HNRNPA1: variants seen among roughly 807,000 people sequenced by gnomAD.
The protein encoded by HNRNPA1 is heterogeneous nuclear ribonucleoprotein A1, also known as epididymis secretory sperm binding protein.
HNRNPA1 carries 7 observed loss-of-function variants against 44.4 expected under a neutral mutation model. The observed-to-expected ratio is 0.16, with a 90% CI of 0.09 to 0.30. HNRNPA1 has a LOEUF of 0.30. Among genes scored for constraint, HNRNPA1 ranks in the 10% least tolerant of loss-of-function variants. The pLI is 1.00. For missense variants in HNRNPA1, 193 were observed against 465.8 expected (o/e 0.41, Z 5.39); for synonymous variants, 169 against 160.6 (o/e 1.05, Z -0.40).
chr12:54,281,182 G>T, intron 1 of HNRNPA1: 1 of 697,758 alleles, frequency 1.4e-6, no homozygotes, highest in South Asian at 1.5e-5. Context: ...GTCGGAAGGC[G>T]ACTAGGGACG....
Position 54,286,984 on chromosome 12 carries a change from A to G in HNRNPA1, c.*2440A>G, listed in dbSNP as rs1207356570. 1 of 152,076 alleles carries G rather than the reference A, an allele frequency of 6.6e-6. No individual in the cohort carries two copies. Among genetic ancestry groups the G allele is most frequent in the East Asian group, 1.9e-4 (1 of 5,192 alleles). 9.4% of individuals were successfully genotyped at this position (152,076 alleles called of 1,614,324 possible). A position where few individuals can be genotyped will look rare whatever the true frequency, so the allele number is the denominator to read the frequency against. The stretch of plus-strand genomic sequence containing the variant: ...CCTTGTGAAGACCTTTATCTGAGCC[A>G]CTGTACTTCGTTATCACTGCCATGC... On this transcript the variant is annotated 3_prime_UTR_variant, in exon 11 of 11. Transcript: ENST00000340913.
At position 54,283,201 on chromosome 12, in the gene HNRNPA1, A is replaced by G. The variant is rs765021775; in HGVS notation, c.874A>G (p.Asn292Asp). ...GGSGSYDSYN[N>D]GGGGGFGGGS... is the part of the protein sequence containing the mutation. ...GAGTGGCAGCTATGACAGCTATAAC[A>G]ACGGAGGCGGAGGCGGCTTTGGCGG... is the stretch of plus-strand genomic sequence containing the variant. Residue 292 changes from asparagine to aspartate, a missense_variant, in exon 8 of 11, where the codon AAC (asparagine) becomes GAC (aspartate). Around this residue, in one of 2 missense-constraint regions of HNRNPA1, gnomAD observed 136 missense variants for 234.4 expected, o/e 0.58. Coordinates refer to ENST00000340913, the MANE Select transcript of HNRNPA1 (RefSeq NM_031157.4). The G allele has an allele frequency of 1.6e-5, 26 of 1,610,876 alleles. No homozygotes were observed. The highest frequency in any genetic ancestry group is 2.0e-5 in the Non-Finnish European group (24 of 1,178,654).
At chr12:54,284,344 A>G (rs1449345614) in intron 10 of HNRNPA1, 27 bp downstream of exon 10, 2 of 1,603,108 alleles carry the variant, frequency 1.2e-6, no homozygotes, top group East Asian at 2.2e-5. Flanking sequence ...TTGTGTGTTG[A>G]CATAATTTTT....
At chr12:54,281,006 G>A (rs759986873) in intron 1 of HNRNPA1, 184 bp downstream of exon 1, 11 of 727,878 alleles carry the variant, frequency 1.5e-5, no homozygotes, top group South Asian at 1.5e-4. Context: ...GCCGCTCTCC[G>A]CCAACCATGA....
At chr12:54,281,632 C>T in intron 2 of HNRNPA1, 130 bp downstream of exon 2, 1 of 1,012,372 alleles carries the variant, frequency 9.9e-7, no homozygotes, top group Non-Finnish European at 1.5e-6. Flanking sequence ...AAGGAACGTC[C>T]TGCTTTGATT....
In HNRNPA1 at chr12:54,285,779, T is replaced by G. The variant is rs949533383; in HGVS notation, c.*1235T>G. On this transcript the variant is annotated 3_prime_UTR_variant, in exon 11 of 11. Transcript: ENST00000340913. ...ACCTTTGGTGCTCTCTCAATTTCAG[T>G]GCTATTGTACCTAGTAGCATAGAGA... 2 of 151,838 alleles carry G rather than the reference T, an allele frequency of 1.3e-5. No individual in the cohort carries two copies. The highest frequency in any genetic ancestry group is 2.9e-5 in the Non-Finnish European group (2 of 67,986). The allele number at this position is 151,838 out of a possible 1,614,324, so 9.4% of individuals were successfully genotyped here.
Position 54,282,505 on chromosome 12 carries a change from T to A in HNRNPA1, c.583+19T>A. On this transcript the variant is annotated intron_variant, in intron 5 of 10. Transcript: ENST00000340913. ...CAAAGAGGTATGCTTGTTGCTTAAT[T>A]AAACCTTAAAGGTAACTTTGAGTTA... 6.2e-7 allele frequency: 1 copy of A among 1,611,816 alleles called. No individual in the cohort carries two copies. Among genetic ancestry groups the A allele is most frequent in the South Asian group, 1.1e-5 (1 of 91,008 alleles).
Position 54,280,764 on chromosome 12 carries a change from G to A in HNRNPA1, c.-44G>A. ...AGCTTGCTCCTTTCTGCCCGTGGACGCCGCCGAAGAAGCATCGTTAAAGTC... is the reference window on the plus strand; with the variant it reads ...AGCTTGCTCCTTTCTGCCCGTGGACACCGCCGAAGAAGCATCGTTAAAGTC... On this transcript the variant is annotated 5_prime_UTR_variant, in exon 1 of 11. Transcript: ENST00000340913. The A allele has an allele frequency of 6.2e-7, 1 of 1,613,358 alleles. No homozygotes were observed.
Position 54,286,727 on chromosome 12 carries a change from A to G in HNRNPA1, c.*2183A>G, listed in dbSNP as rs747993578. The G allele has an allele frequency of 4.6e-5, 7 of 152,212 alleles. No individual in the cohort carries two copies. The highest frequency in any genetic ancestry group is 8.8e-5 in the Non-Finnish European group (6 of 68,042). The allele number at this position is 152,212 out of a possible 1,614,324, so 9.4% of individuals were successfully genotyped here. ...AAACTCATCTGTCCAAGTTCGTGGC[A>G]GAAAGGTAAGTTTTTACAAATTAGT... is the stretch of plus-strand genomic sequence containing the variant. On this transcript the variant is annotated 3_prime_UTR_variant, in exon 11 of 11. Coordinates refer to ENST00000340913, the MANE Select transcript of HNRNPA1 (RefSeq NM_031157.4).
In HNRNPA1 at chr12:54,282,903, A is replaced by C; in HGVS notation, c.751+29A>C. ...AGTTTTTTAGGAATAAGTAGAGAAA[A>C]ATTCCTGGCAACCTGGATCTTTAGA... On this transcript the variant is annotated intron_variant, in intron 7 of 10. Coordinates refer to ENST00000340913, the MANE Select transcript of HNRNPA1 (RefSeq NM_031157.4). 3 of 1,533,586 alleles carry C rather than the reference A, an allele frequency of 2.0e-6. No homozygotes were observed. The South Asian group carries it at 3.6e-5, about 19-fold the overall frequency. 95.0% of individuals were successfully genotyped at this position (1,533,586 alleles called of 1,614,324 possible). A position where few individuals can be genotyped will look rare whatever the true frequency, so the allele number is the denominator to read the frequency against.
chr12:54,281,371 C>T lies in HNRNPA1; in HGVS notation c.16-15C>T, dbSNP rs376518306. 4.3e-4 allele frequency: 612 copies of T among 1,430,850 alleles called. 4 individuals carry two copies. The highest frequency in any genetic ancestry group is 9.1e-4 in the South Asian group (77 of 84,232). 88.6% of individuals were successfully genotyped at this position (1,430,850 alleles called of 1,614,324 possible). A position where few individuals can be genotyped will look rare whatever the true frequency, so the allele number is the denominator to read the frequency against. On this transcript the variant is annotated splice_polypyrimidine_tract_variant and intron_variant, in intron 1 of 10. Coordinates refer to ENST00000340913, the MANE Select transcript of HNRNPA1 (RefSeq NM_031157.4). ...GTTGTAGCCCATTTAACACTTCCCCCTCCCCCCACTCTAGTCTCCTAAAGA... is the reference window on the plus strand; with the variant it reads ...GTTGTAGCCCATTTAACACTTCCCCTTCCCCCCACTCTAGTCTCCTAAAGA...
rs1944221862 is a variant in HNRNPA1 at position 54,283,948 on chromosome 12, T to A, written c.1044T>A (p.Phe348Leu). The change falls in exon 9 of 11, where the codon TTT (phenylalanine) becomes TTA (leucine). Residue 348 changes from phenylalanine to leucine, a missense_variant. Transcript: ENST00000340913. The stretch of plus-strand genomic sequence containing the variant: ...CCTATGGCGGTGGAGGCCAATACTT[T>A]GCAAAACCACGAAACCAAGGTATGG... ...SGPYGGGGQY[F>L]AKPRNQGGYG... 8.1e-6 allele frequency: 13 copies of A among 1,607,058 alleles called. No homozygotes were observed. Among genetic ancestry groups the A allele is most frequent in the African/African-American group, 1.3e-5 (1 of 75,052 alleles).
intron 7 of HNRNPA1, 82 bp downstream of exon 7, chr12:54,282,956 T>C (rs2137043587): frequency 6.7e-7 from 1 of 1,482,222 alleles, no homozygotes; most frequent in Admixed American, 2.1e-5. Flanking sequence ...AAAATTCTGG[T>C]GCATGTCAAA....
intron 2 of HNRNPA1, 63 bp from the exon 3 acceptor site, chr12:54,281,732 A>G: frequency 6.5e-7 from 1 of 1,532,390 alleles, no homozygotes; most frequent in African/African-American, 1.4e-5. Context: ...CCCTATTCAA[A>G]GTTAAAATGA....
At position 54,286,639 on chromosome 12, in the gene HNRNPA1, C is replaced by G. The variant is rs754892078; in HGVS notation, c.*2095C>G. ...ATGGGACTTGGTCTTAGAGCTAGTT[C>G]TAAAGGTTGTTTACTTTTCTAGGGA... On this transcript the variant is annotated 3_prime_UTR_variant, in exon 11 of 11. Coordinates refer to ENST00000340913, the MANE Select transcript of HNRNPA1 (RefSeq NM_031157.4). 2.0e-5 allele frequency: 3 copies of G among 152,086 alleles called. No individual in the cohort carries two copies. The highest frequency in any genetic ancestry group is 4.4e-5 in the Non-Finnish European group (3 of 68,012). The allele number at this position is 152,086 out of a possible 1,614,324, so 9.4% of individuals were successfully genotyped here.
chr12:54,283,596 T>A, intron 8 of HNRNPA1: 2 of 608,848 alleles, frequency 3.3e-6, no homozygotes, highest in Non-Finnish European at 2.9e-6. Flanking sequence ...AATCTCTTTA[T>A]TTTATGTCAT....
At chr12:54,282,720 G>T in intron 6 of HNRNPA1, 55 bp downstream of exon 6, 1 of 1,595,250 alleles carries the variant, frequency 6.3e-7, no homozygotes, top group East Asian at 2.2e-5. Context: ...TTGCTATGAA[G>T]ATTTTACAGT....
chr12:54,283,990 G>A, intron 9 of HNRNPA1, 23 bp downstream of exon 9: 1 of 1,602,938 alleles, frequency 6.2e-7, no homozygotes, highest in African/African-American at 1.3e-5. Flanking sequence ...TGTAATTTTG[G>A]ATAATGTCAA....
chr12:54,281,103 G>C, intron 1 of HNRNPA1: 1 of 700,606 alleles, frequency 1.4e-6, no homozygotes, highest in Non-Finnish European at 2.6e-6. Context: ...TGGTGAGCGA[G>C]TTTTCTAAAG....
Sources: gnomAD v4.1 joint callset for allele counts on GRCh38, gnomAD v4.1.1 for gene constraint, gnomAD v4.1.1 regional missense constraint, MANE v1.5 for transcripts, NCBI Gene and HGNC (gene_info 2026-07-23, HGNC 2026-07-21) for gene names.